The following DCHS2 variants were observed in gnomAD, a reference collection of about 807,000 sequenced individuals.
DCHS2 encodes dachsous cadherin-related 2.
Under a neutral mutation model 182.4 loss-of-function variants are expected in DCHS2, and 142 were observed. The ratio of observed to expected loss-of-function variants is 0.78; its 90% CI spans 0.68 to 0.89. The LOEUF is 0.89. Ranked by LOEUF, DCHS2 falls within the 40% of genes least tolerant of loss-of-function variation. The probability of loss-of-function intolerance (pLI) is 0.00; values close to 1 mark genes in which losing one functional copy is unlikely to be tolerated. For missense variants in DCHS2, 4,319 were observed against 4,198.6 expected, an observed-to-expected ratio of 1.03 and a Z score of -0.79; for synonymous variants, 1,740 against 1,663.3, an observed-to-expected ratio of 1.05 and a Z score of -1.12.
intron 3 of DCHS2, chr4:154,354,783 T>C (rs17031498): frequency 0.33 from 49,934 of 152,038 alleles, 8,476 homozygotes; most frequent in East Asian, 0.45. Flanking sequence ...CATCATCCAG[T>C]AGTCCATACT....
chr4:154,277,353 A>G (rs902756025), intron 13 of DCHS2, among the ~76,000 whole-genome samples: 2 of 152,330 alleles, frequency 1.3e-5, no homozygotes, highest in South Asian at 2.1e-4. Context: ...TGAGAACAAA[A>G]GAGAACTCAG....
intron 16 of DCHS2, among the ~76,000 whole-genome samples, chr4:154,248,948 A>T (rs1045138560): frequency 6.6e-6 from 1 of 152,206 alleles, no homozygotes; most frequent in Non-Finnish European, 1.5e-5. Flanking sequence ...AGATGAATTG[A>T]AGATTTAAAT....
At chr4:154,412,753 T>C (rs1217902991) in intron 1 of DCHS2, among the ~76,000 whole-genome samples, 1 of 152,212 alleles carries the variant, frequency 6.6e-6, no homozygotes, top group Admixed American at 6.6e-5. Flanking sequence ...ATCTGGCATA[T>C]AACAAATGTT....
chr4:154,468,905 A>G (rs1475436580), intron 1 of DCHS2, among the ~76,000 whole-genome samples: 1 of 152,164 alleles, frequency 6.6e-6, no homozygotes, highest in Non-Finnish European at 1.5e-5. Context: ...CTGGTGGAAG[A>G]AGAGAGGAAG....
At chr4:154,443,151 A>AC (rs1183444170) in intron 1 of DCHS2, among the ~76,000 whole-genome samples, 1 of 151,872 alleles carries the variant, frequency 6.6e-6, no homozygotes, top group Non-Finnish European at 1.5e-5. Context: ...TGTTAAAGTC[A>AC]CCCCCATGCC....
intron 2 of DCHS2, among the ~76,000 whole-genome samples, chr4:154,372,503 T>C (rs1730688675): frequency 1.3e-5 from 2 of 152,160 alleles, no homozygotes; most frequent in South Asian, 2.1e-4. Context: ...AGTGGTGAGA[T>C]GGAGTTGAAA....
intron 5 of DCHS2, among the ~76,000 whole-genome samples, chr4:154,331,162 T>C (rs1736504919): frequency 6.6e-6 from 1 of 152,126 alleles, no homozygotes; most frequent in Non-Finnish European, 1.5e-5. Flanking sequence ...TACAAGCACG[T>C]AGTGTTCCAA....
intron 1 of DCHS2, among the ~76,000 whole-genome samples, chr4:154,433,545 C>T (rs1464041425): frequency 6.6e-6 from 1 of 151,898 alleles, no homozygotes; most frequent in Non-Finnish European, 1.5e-5. Context: ...CAGGCGTGCG[C>T]CACCATGCCC....
rs72966176 is a variant in DCHS2 at position 154,340,697 on chromosome 4, A to T, written c.2477-5593T>A. Among the ~76,000 whole-genome samples, 829 of 152,308 alleles carry T rather than the reference A, an allele frequency of 5.4e-3. 7 individuals are homozygous for T. Among genetic ancestry groups the T allele is most frequent in the African/African-American group, 0.019 (782 of 41,564 alleles). ...AATTTTACTGATGAATGTCCATTTT[A>T]TTTGCCATATTATGAGTTATCAAAT... On this transcript the variant is annotated intron_variant, in intron 3 of 19. Transcript: ENST00000357232.
At chr4:154,348,941 C>T (rs1729480505) in intron 3 of DCHS2, among the ~76,000 whole-genome samples, 1 of 151,922 alleles carries the variant, frequency 6.6e-6, no homozygotes, top group Non-Finnish European at 1.5e-5. Context: ...TTGTCACTTT[C>T]TCATTACGTT....
rs1730366302 is a variant in DCHS2, at chr4:154,366,449, A to C, written c.2245-8T>G. On this transcript the variant is annotated splice_polypyrimidine_tract_variant and splice_region_variant and intron_variant, in intron 2 of 19. Transcript: ENST00000357232. Reference sequence around the variant, plus strand: ...TTGGGCACTTAGCCCACCCTGGTGGATGAATGAGTGGTGATTACAAATGGG... The same window carrying C: ...TTGGGCACTTAGCCCACCCTGGTGGCTGAATGAGTGGTGATTACAAATGGG... The C allele has an allele frequency of 1.3e-6, 2 of 1,596,164 alleles. No homozygotes were observed. Among genetic ancestry groups the C allele is most frequent in the African/African-American group, 2.7e-5 (2 of 74,616 alleles).
At chr4:154,442,360 A>G (rs1560760896) in intron 1 of DCHS2, among the ~76,000 whole-genome samples, 1 of 151,916 alleles carries the variant, frequency 6.6e-6, no homozygotes, top group Non-Finnish European at 1.5e-5. Context: ...CTTACCCTAC[A>G]TGGCTCTGTA....
At chr4:154,374,002 C>CAAAAAA (rs35401379) in intron 2 of DCHS2, 38 of 596,852 alleles carry the variant, frequency 6.4e-5, no homozygotes, top group Admixed American at 8.5e-5. Context: ...ATTTTAATAG[C>CAAAAAA]AAAAAAAAAA....
intron 1 of DCHS2, among the ~76,000 whole-genome samples, chr4:154,443,411 C>A (rs1734118671): frequency 6.6e-6 from 1 of 152,134 alleles, no homozygotes; most frequent in Admixed American, 6.6e-5. Context: ...TTGTGGAATG[C>A]TCTCTCTTCA....
At chr4:154,290,416 G>A (rs900720970) in intron 13 of DCHS2, among the ~76,000 whole-genome samples, 8 of 151,972 alleles carry the variant, frequency 5.3e-5, no homozygotes, top group African/African-American at 1.4e-4. Context: ...TACCAATGAC[G>A]TTCTTCATAG....
rs1413181226 is a variant in DCHS2 at position 154,490,315 on chromosome 4, G to A, written c.1041C>T (p.Gly347=). Residue 347 remains glycine (G), a synonymous_variant, in exon 1 of 20, where the codon GGC becomes GGT. Transcript: ENST00000357232. ...ARQVPGAGSG[G]GALGDAAYFA... is the part of the protein sequence containing the mutation. ...AGTAGGCCGCGTCGCCCAGTGCCCC[G>A]CCGCCGCTACCCGCCCCAGGCACTT... 3 of 1,545,096 alleles carry A rather than the reference G, an allele frequency of 1.9e-6. No individual in the cohort carries two copies. Among genetic ancestry groups the A allele is most frequent in the South Asian group, 1.2e-5 (1 of 83,948 alleles).
At chr4:154,401,974 A>G (rs1486969025) in intron 1 of DCHS2, among the ~76,000 whole-genome samples, 2 of 152,210 alleles carry the variant, frequency 1.3e-5, no homozygotes, top group Non-Finnish European at 2.9e-5. Flanking sequence ...AGCCTGGGCA[A>G]CTGAAAAGAA....
chr4:154,432,713 T>A (rs1733608126), intron 1 of DCHS2, among the ~76,000 whole-genome samples: 1 of 151,900 alleles, frequency 6.6e-6, no homozygotes, highest in Non-Finnish European at 1.5e-5. Context: ...CCAGATCCAG[T>A]CCTAACCCTT....
intron 3 of DCHS2, among the ~76,000 whole-genome samples, chr4:154,351,871 A>G (rs1729633616): frequency 6.6e-6 from 1 of 152,194 alleles, no homozygotes; most frequent in Non-Finnish European, 1.5e-5. Context: ...AACAGGCCAC[A>G]GACCAGTACC....
Sources: allele counts gnomAD v4.1 joint callset (sites outside exome capture counted in the v4.1 genomes callset), GRCh38; gene constraint gnomAD v4.1.1; transcripts MANE v1.5; gene names NCBI Gene and HGNC (gene_info 2026-07-23, HGNC 2026-07-21).